ARHGAP6: variants seen among roughly 807,000 people sequenced by gnomAD.
The protein encoded by ARHGAP6 is rho GTPase-activating protein 6.
In ARHGAP6, 16 loss-of-function variants were observed where a neutral mutation model predicts 55.7. That is an observed-to-expected ratio of 0.29 (90% CI 0.19 to 0.44). The LOEUF (loss-of-function observed/expected upper bound fraction) is 0.44. ARHGAP6 is among the 20% of genes least tolerant of loss of function. The probability of loss-of-function intolerance (pLI) is 1.00; values close to 1 mark genes in which losing one functional copy is unlikely to be tolerated. For missense variants in ARHGAP6, 698 were observed against 808.9 expected (o/e 0.86, Z 1.66); for synonymous variants, 382 against 360.9 (o/e 1.06, Z -0.66).
At chrX:11,628,984 CGTGTGTGTGT>C (rs55999982) in intron 1 of ARHGAP6, among the ~76,000 whole-genome samples, 2,016 of 101,444 alleles carry the variant, frequency 0.02, 27 homozygotes, top group African/African-American at 0.051. Flanking sequence ...GCTTCAGATA[CGTGTGTGTGT>C]GTGTGTGTGT....
chrX:11,641,155 T>G lies in ARHGAP6; in HGVS notation c.588+23086A>C, dbSNP rs182315086. ...TCTGATTTCACAAAGGATCACAATGTAAAAATTATATTCTGCCTCAGGAGA... is the reference window on the plus strand; with the variant it reads ...TCTGATTTCACAAAGGATCACAATGGAAAAATTATATTCTGCCTCAGGAGA... On this transcript the variant is annotated intron_variant, in intron 1 of 12. Transcript: ENST00000337414. 2.9e-3 allele frequency among the ~76,000 whole-genome samples: 325 copies of G among 111,185 alleles called. 1 individual carries two copies. The highest frequency in any genetic ancestry group is 5.1e-3 in the Non-Finnish European group (271 of 52,843).
chrX:11,356,429 TAACA>T (rs1209984672), intron 1 of ARHGAP6, among the ~76,000 whole-genome samples: 2 of 111,614 alleles, frequency 1.8e-5, no homozygotes, highest in Non-Finnish European at 3.8e-5. Context: ...TAAAGCAAAA[TAACA>T]AACACACAAA....
intron 2 of ARHGAP6, among the ~76,000 whole-genome samples, chrX:11,243,538 C>T (rs1429848250): frequency 8.9e-6 from 1 of 112,178 alleles, no homozygotes; most frequent in Non-Finnish European, 1.9e-5. Flanking sequence ...ACTCATGTGT[C>T]TATAGACTGC....
chrX:11,400,526 A>C (rs1414715034), intron 1 of ARHGAP6, among the ~76,000 whole-genome samples: 1 of 105,156 alleles, frequency 9.5e-6, no homozygotes, highest in Non-Finnish European at 2.0e-5. Flanking sequence ...CCTGGCTAAA[A>C]GCACTGTCGT....
At chrX:11,297,468 G>C (rs748154961) in intron 1 of ARHGAP6, among the ~76,000 whole-genome samples, 14 of 112,207 alleles carry the variant, frequency 1.2e-4, no homozygotes, top group Non-Finnish European at 1.5e-4. Flanking sequence ...GAGTAATATA[G>C]TTAATGAATA....
chrX:11,343,975 A>C (rs1016979738), intron 1 of ARHGAP6, among the ~76,000 whole-genome samples: 1 of 112,141 alleles, frequency 8.9e-6, no homozygotes, highest in Non-Finnish European at 1.9e-5. Context: ...TAAACTAAAA[A>C]GTCATTGTAA....
intron 1 of ARHGAP6, among the ~76,000 whole-genome samples, chrX:11,452,443 A>G (rs777309550): frequency 2.1e-4 from 24 of 112,244 alleles, no homozygotes; most frequent in African/African-American, 7.8e-4. Context: ...CCACCGCACC[A>G]GGCCATGTTT....
At position 11,195,819 on chromosome X, in the gene ARHGAP6, T is replaced by TA. The variant is rs201051063; in HGVS notation, c.820+1105dup. Among the ~76,000 whole-genome samples the TA allele has an allele frequency of 7.4e-4, 78 of 105,763 alleles. No individual in the cohort carries two copies. In the East Asian group the frequency reaches 0.011, roughly 15 times the overall value. 91.8% of individuals were successfully genotyped at this position (105,763 alleles called of 115,157 possible). A position where few individuals can be genotyped will look rare whatever the true frequency, so the allele number is the denominator to read the frequency against. On this transcript the variant is annotated intron_variant, in intron 3 of 12. Coordinates refer to ENST00000337414, the MANE Select transcript of ARHGAP6 (RefSeq NM_013427.3). Reference sequence around the variant, plus strand: ...GTACCCTTGAACCTAAAACAAGAGTTAAAAAAAAATACTAGGCCGGGCGCG... The same window carrying TA: ...GTACCCTTGAACCTAAAACAAGAGTTAAAAAAAAAATACTAGGCCGGGCGCG...
intron 1 of ARHGAP6, among the ~76,000 whole-genome samples, chrX:11,654,799 T>C (rs1254620993): frequency 8.9e-6 from 1 of 111,970 alleles, no homozygotes; most frequent in Non-Finnish European, 1.9e-5. Flanking sequence ...TTCAACTGAC[T>C]ATATAACTAC....
At chrX:11,354,200 T>C (rs772343399) in intron 1 of ARHGAP6, among the ~76,000 whole-genome samples, 86 of 106,209 alleles carry the variant, frequency 8.1e-4, no homozygotes, top group Non-Finnish European at 1.5e-3. Context: ...GCCTACAAGT[T>C]TGTTGCAATG....
In ARHGAP6 at chrX:11,588,182, G is replaced by A. The variant is rs1249952055; in HGVS notation, c.588+76059C>T. The stretch of plus-strand genomic sequence containing the variant: ...GACATTCTTAAAGGAATCTGAGAGG[G>A]CTTCATTTCAGGGCTGATGCAACAT... On this transcript the variant is annotated intron_variant, in intron 1 of 12. Transcript: ENST00000337414. Among the ~76,000 whole-genome samples, 3 of 111,824 alleles carry A rather than the reference G, an allele frequency of 2.7e-5. No individual in the cohort carries two copies. The East Asian group carries it at 8.4e-4, about 31-fold the overall frequency.
At chrX:11,487,289 T>A (rs757444268) in intron 1 of ARHGAP6, among the ~76,000 whole-genome samples, 1 of 112,194 alleles carries the variant, frequency 8.9e-6, no homozygotes, top group African/African-American at 3.2e-5. Context: ...TGTACAGATC[T>A]TGGTTTCTAA....
At chrX:11,663,160 TTACTAAAGC>T (rs1417434030) in intron 1 of ARHGAP6, among the ~76,000 whole-genome samples, 2 of 112,541 alleles carry the variant, frequency 1.8e-5, no homozygotes, top group Non-Finnish European at 3.8e-5. Context: ...CTAAGGCGGT[TTACTAAAGC>T]CAAAGTCTAA....
At chrX:11,444,174 A>G (rs1267460458) in intron 1 of ARHGAP6, among the ~76,000 whole-genome samples, 1 of 112,131 alleles carries the variant, frequency 8.9e-6, no homozygotes, top group African/African-American at 3.2e-5. Flanking sequence ...TCTGTGTCAC[A>G]ACTATTCTGT....
chrX:11,489,528 C>T (rs1381105033), intron 1 of ARHGAP6, among the ~76,000 whole-genome samples: 1 of 112,577 alleles, frequency 8.9e-6, no homozygotes, highest in Non-Finnish European at 1.9e-5. Context: ...AGTGCAAGAG[C>T]AGGCATAAAC....
At chrX:11,559,202 C>T (rs2075898115) in intron 1 of ARHGAP6, among the ~76,000 whole-genome samples, 2 of 109,656 alleles carry the variant, frequency 1.8e-5, no homozygotes, top group African/African-American at 3.3e-5. Flanking sequence ...TCACCTCTTA[C>T]ATCATCGATG....
intron 4 of ARHGAP6, among the ~76,000 whole-genome samples, chrX:11,188,244 A>G (rs1476220317): frequency 9.0e-6 from 1 of 111,640 alleles, no homozygotes; most frequent in African/African-American, 3.3e-5. Flanking sequence ...GGATATATAG[A>G]GGATTCTATG....
intron 1 of ARHGAP6, among the ~76,000 whole-genome samples, chrX:11,287,827 G>C (rs1328490768): frequency 8.9e-6 from 1 of 112,275 alleles, no homozygotes; most frequent in Non-Finnish European, 1.9e-5. Flanking sequence ...AATTATTTTA[G>C]GCAAGGAATT....
intron 1 of ARHGAP6, among the ~76,000 whole-genome samples, chrX:11,353,293 G>A (rs1826084437): frequency 1.8e-5 from 2 of 111,998 alleles, no homozygotes; most frequent in Non-Finnish European, 1.9e-5. Flanking sequence ...CCCTCTCTAA[G>A]TTAGGCTGAC....
Sources: allele counts gnomAD v4.1 joint callset (sites outside exome capture counted in the v4.1 genomes callset), GRCh38; gene constraint gnomAD v4.1.1; transcripts MANE v1.5; gene names NCBI Gene and HGNC (gene_info 2026-07-23, HGNC 2026-07-21).